SCAI: variants seen among roughly 807,000 people sequenced by gnomAD.
SCAI encodes protein SCAI.
Under a neutral mutation model 92.2 loss-of-function variants are expected in SCAI, and 24 were observed. That is an observed-to-expected ratio of 0.26 (90% CI 0.19 to 0.37). SCAI has a LOEUF of 0.37. Among genes scored for constraint, SCAI ranks in the 10% least tolerant of loss-of-function variants. The probability of loss-of-function intolerance (pLI) is 1.00; values close to 1 mark genes in which losing one functional copy is unlikely to be tolerated. For synonymous variants in SCAI, 261 were observed against 258.6 expected (o/e 1.01, Z -0.09); for missense variants, 450 against 736.2 (o/e 0.61, Z 4.50).
At chr9:125,083,784 T>C (rs1834267595) in intron 2 of SCAI, among the ~76,000 whole-genome samples, 1 of 152,072 alleles carries the variant, frequency 6.6e-6, no homozygotes. Context: ...GTGAAAGAAA[T>C]ATCTGCTTTC....
rs1831203099 is a variant in SCAI at position 124,949,668 on chromosome 9, A to T, written c.*3139T>A. 6.6e-6 allele frequency: 1 copy of T among 151,650 alleles called. No individual in the cohort carries two copies. The highest frequency in any genetic ancestry group is 6.6e-5 in the Admixed American group (1 of 15,222). The allele number at this position is 151,650 out of a possible 1,614,324, so 9.4% of individuals were successfully genotyped here. ...TAAACATTGTTCTTCTCTTAAGAAA[A>T]CAAACAAAAGATTTACCTTACCATA... On this transcript the variant is annotated 3_prime_UTR_variant, in exon 18 of 18. Transcript: ENST00000336505. The surrounding 1 kb of genome is among the most constrained non-coding windows in gnomAD (Gnocchi z 4.0).
chr9:125,046,167 C>G (rs1833428667), intron 3 of SCAI, among the ~76,000 whole-genome samples: 1 of 92,082 alleles, frequency 1.1e-5, no homozygotes. Flanking sequence ...AAGTGCCCAT[C>G]AATCAACAAG....
chr9:125,088,829 G>C (rs557317233), intron 2 of SCAI, among the ~76,000 whole-genome samples: 1 of 148,142 alleles, frequency 6.8e-6, no homozygotes, highest in South Asian at 2.1e-4. Flanking sequence ...CCCTAACATA[G>C]AGTTTCTTAA....
intron 2 of SCAI, among the ~76,000 whole-genome samples, chr9:125,077,490 G>C (rs1397959782): frequency 6.6e-6 from 1 of 152,228 alleles, no homozygotes; most frequent in South Asian, 2.1e-4. Flanking sequence ...TGGGTCATCT[G>C]ACAACTCTAT....
intron 2 of SCAI, among the ~76,000 whole-genome samples, chr9:125,063,332 G>A (rs1017333141): frequency 2.0e-5 from 3 of 149,254 alleles, no homozygotes; most frequent in African/African-American, 4.9e-5. Context: ...AGCCAAGATC[G>A]CACCACTGCA....
At chr9:125,094,308 C>G (rs1473900070) in intron 2 of SCAI, among the ~76,000 whole-genome samples, 2 of 152,188 alleles carry the variant, frequency 1.3e-5, no homozygotes, top group African/African-American at 4.8e-5. Flanking sequence ...CCACACTGCT[C>G]TCCTTGCTGT....
chr9:125,142,674 C>A lies in SCAI; in HGVS notation c.57G>T (p.Leu19=). The A allele has an allele frequency of 6.2e-7, 1 of 1,613,552 alleles. No homozygotes were observed. The highest frequency in any genetic ancestry group is 1.1e-5 in the South Asian group (1 of 91,034). ...QQPRSRLAPR[L]TGTVEKPPRK... Reference sequence around the variant, plus strand: ...GAGGCGGTTTCTCCACTGTGCCAGTCAGTCTGCAGACCAAACAAATAAGAC... The same window carrying A: ...GAGGCGGTTTCTCCACTGTGCCAGTAAGTCTGCAGACCAAACAAATAAGAC... The change falls in exon 2 of 18, where the codon CTG becomes CTT. Residue 19 remains leucine, a synonymous_variant. Transcript: ENST00000336505.
intron 2 of SCAI, among the ~76,000 whole-genome samples, chr9:125,110,609 G>A (rs1427735943): frequency 6.6e-6 from 1 of 152,074 alleles, no homozygotes; most frequent in African/African-American, 2.4e-5. Flanking sequence ...GTGAGATCTG[G>A]TTGCCTCCCC....
At chr9:125,003,046 G>C (rs1217945396) in intron 11 of SCAI, 68 bp downstream of exon 11, 3 of 970,846 alleles carry the variant, frequency 3.1e-6, no homozygotes, top group East Asian at 2.4e-5. Flanking sequence ...TTTTTCAAAA[G>C]AGTGACTCTT....
intron 9 of SCAI, among the ~76,000 whole-genome samples, chr9:125,015,026 T>C (rs1377301424): frequency 6.6e-6 from 1 of 152,106 alleles, no homozygotes; most frequent in Non-Finnish European, 1.5e-5. Flanking sequence ...TATACAAAAA[T>C]TAATTCAAGA....
rs1372393190 is a variant in SCAI, at chr9:125,126,435, G to GAA, written c.98+16196_98+16197dup. Among the ~76,000 whole-genome samples the GAA allele has an allele frequency of 2.7e-4, 41 of 151,498 alleles. No individual in the cohort carries two copies. In the East Asian group the frequency reaches 4.3e-3, roughly 16 times the overall value. ...TGTGTGTGTGTGTGAGAGAGAGAGA[G>GAA]AACACACATGCAAGGCAGAAGTCAG... On this transcript the variant is annotated intron_variant, in intron 2 of 17. Transcript: ENST00000336505.
At chr9:125,042,638 C>CGTGT (rs1564390399) in intron 3 of SCAI, among the ~76,000 whole-genome samples, 39 of 73,574 alleles carry the variant, frequency 5.3e-4, no homozygotes, top group African/African-American at 1.6e-3. Context: ...TGTGTGTACA[C>CGTGT]ACACACACAC....
chr9:125,010,594 C>A (rs1204054443), intron 9 of SCAI, among the ~76,000 whole-genome samples: 1 of 152,228 alleles, frequency 6.6e-6, no homozygotes, highest in Non-Finnish European at 1.5e-5. Context: ...GGCTCCACCT[C>A]TGGGGGCAGG....
intron 3 of SCAI, 21 bp from the exon 4 acceptor site, chr9:125,029,760 G>GT: frequency 7.2e-7 from 1 of 1,379,428 alleles, no homozygotes; most frequent in Non-Finnish European, 1.0e-6. Context: ...AAATGAGTAT[G>GT]TATTAATATT....
chr9:125,002,488 GT>G (rs58586769), intron 11 of SCAI, among the ~76,000 whole-genome samples: 14 of 125,080 alleles, frequency 1.1e-4, no homozygotes, highest in Admixed American at 8.8e-5. Flanking sequence ...TTTTTAGTCT[GT>G]TTTTTTTTTT....
chr9:125,015,257 G>A (rs139266627), intron 9 of SCAI, among the ~76,000 whole-genome samples: 19,996 of 152,144 alleles, frequency 0.13, 1,753 homozygotes, highest in Non-Finnish European at 0.19. Flanking sequence ...CCTACAAGAT[G>A]GGAGAAAATG....
chr9:124,974,565 T>C (rs1831720410), intron 15 of SCAI, among the ~76,000 whole-genome samples: 1 of 152,116 alleles, frequency 6.6e-6, no homozygotes, highest in Non-Finnish European at 1.5e-5. Context: ...CATGGAAGGC[T>C]CTCCCCTTTT....
chr9:125,105,838 C>T (rs1834765385), intron 2 of SCAI, among the ~76,000 whole-genome samples: 1 of 151,704 alleles, frequency 6.6e-6, no homozygotes, highest in African/African-American at 2.4e-5. Flanking sequence ...GTGGCTCACG[C>T]CTGTAATCCC....
At position 124,945,552 on chromosome 9, in the gene SCAI, TC is replaced by T. The variant is rs1831132993; in HGVS notation, c.*7254del. The T allele has an allele frequency of 6.8e-6, 1 of 147,634 alleles. No homozygotes were observed. Among genetic ancestry groups the T allele is most frequent in the South Asian group, 2.1e-4 (1 of 4,698 alleles). 9.1% of individuals were successfully genotyped at this position (147,634 alleles called of 1,614,324 possible). A position where few individuals can be genotyped will look rare whatever the true frequency, so the allele number is the denominator to read the frequency against. On this transcript the variant is annotated 3_prime_UTR_variant, in exon 18 of 18. Coordinates refer to ENST00000336505, the MANE Select transcript of SCAI (RefSeq NM_001144877.3). ...CCTGGGCAACGAGCAAAACTCCATCTCAAAAAAAAAAAAATTATTAATTTTT... is the reference window on the plus strand; with the variant it reads ...CCTGGGCAACGAGCAAAACTCCATCTAAAAAAAAAAAAATTATTAATTTTT...
Sources: allele counts gnomAD v4.1 joint callset (sites outside exome capture counted in the v4.1 genomes callset), GRCh38; gene constraint gnomAD v4.1.1; non-coding constraint Gnocchi (gnomAD v3.1); transcripts MANE v1.5; gene names NCBI Gene and HGNC (gene_info 2026-07-23, HGNC 2026-07-21).